Variants in ZYG11A observed in about 807,000 individuals in gnomAD.
ZYG11A encodes protein zyg-11 homolog A.
In ZYG11A, 62 loss-of-function variants were observed where a neutral mutation model predicts 77.2. The observed-to-expected ratio is 0.80, with a 90% CI of 0.65 to 0.99. The LOEUF (loss-of-function observed/expected upper bound fraction) is 0.99, where lower values mean the gene tolerates loss of function less well. Ranked by LOEUF, ZYG11A falls within the 50% of genes least tolerant of loss-of-function variation. The pLI, the probability that ZYG11A is intolerant of heterozygous loss-of-function variation, is 0.00. For synonymous variants in ZYG11A, 315 were observed against 324.6 expected (o/e 0.97, Z 0.32); for missense variants, 828 against 896.8 (o/e 0.92, Z 0.98).
chr1:52,870,937 C>G (rs778904961), intron 8 of ZYG11A, among the ~76,000 whole-genome samples: 1 of 151,976 alleles, frequency 6.6e-6, no homozygotes, highest in Non-Finnish European at 1.5e-5. Context: ...GGAAACAAGC[C>G]TTTGACTATG....
At chr1:52,843,409 C>G (rs1645491665) in intron 1 of ZYG11A, among the ~76,000 whole-genome samples, 1 of 147,908 alleles carries the variant, frequency 6.8e-6, no homozygotes, top group South Asian at 2.1e-4. Flanking sequence ...CGTTTCCCCA[C>G]CCGTGTTGTG....
intron 1 of ZYG11A, 133 bp downstream of exon 1, chr1:52,843,106 G>A: frequency 1.4e-6 from 1 of 690,716 alleles, no homozygotes; most frequent in South Asian, 3.8e-5. Flanking sequence ...CGGTCTAGAT[G>A]CCGAGCCCCT....
chr1:52,876,804 T>C (rs1373875712), intron 8 of ZYG11A, among the ~76,000 whole-genome samples: 2 of 152,224 alleles, frequency 1.3e-5, no homozygotes, highest in Non-Finnish European at 2.9e-5. Flanking sequence ...AAAATATACA[T>C]TCTGATTTGT....
chr1:52,854,971 T>C (rs1645782576), intron 2 of ZYG11A, among the ~76,000 whole-genome samples: 1 of 152,252 alleles, frequency 6.6e-6, no homozygotes, highest in South Asian at 2.1e-4. Context: ...TTTAAGCGAT[T>C]CTCCTGCCTC....
chr1:52,884,602 C>T (rs530580396), intron 11 of ZYG11A, among the ~76,000 whole-genome samples: 4 of 151,942 alleles, frequency 2.6e-5, no homozygotes, highest in Admixed American at 6.6e-5. Flanking sequence ...TACAGTGAGC[C>T]GAGATCGTGC....
At position 52,870,001 on chromosome 1, in the gene ZYG11A, G is replaced by C. The variant is rs569870898; in HGVS notation, c.1542+2224G>C. Among the ~76,000 whole-genome samples the C allele has an allele frequency of 1.1e-3, 115 of 104,032 alleles. 3 individuals are homozygous for C. The highest frequency in any genetic ancestry group is 0.01 in the Admixed American group (115 of 11,064). 68.2% of individuals were successfully genotyped at this position (104,032 alleles called of 152,430 possible). On this transcript the variant is annotated intron_variant, in intron 8 of 13. Coordinates refer to ENST00000371528, the MANE Select transcript of ZYG11A (RefSeq NM_001004339.3). ...CCCCCTCCCGGGCGGGGCGGCTGCCGGGTGGAGGGGCTCCTCACTTCTCAG... is the reference window on the plus strand; with the variant it reads ...CCCCCTCCCGGGCGGGGCGGCTGCCCGGTGGAGGGGCTCCTCACTTCTCAG...
intron 8 of ZYG11A, among the ~76,000 whole-genome samples, chr1:52,868,479 A>G (rs896258580): frequency 1.3e-5 from 2 of 152,268 alleles, no homozygotes; most frequent in Non-Finnish European, 2.9e-5. Flanking sequence ...AACATCGTTC[A>G]CTAAAAAATT....
At chr1:52,860,965 T>A (rs996308304) in intron 4 of ZYG11A, 94 bp downstream of exon 4, 37 of 1,245,020 alleles carry the variant, frequency 3.0e-5, no homozygotes, top group Non-Finnish European at 3.7e-5. Context: ...AATTATATGC[T>A]TTATTCTATA....
At chr1:52,860,964 C>G (rs1270560052) in intron 4 of ZYG11A, 93 bp downstream of exon 4, 2 of 1,261,454 alleles carry the variant, frequency 1.6e-6, no homozygotes, top group South Asian at 3.0e-5. Context: ...AAATTATATG[C>G]TTTATTCTAT....
chr1:52,867,112 A>G (rs1331109488), intron 6 of ZYG11A, among the ~76,000 whole-genome samples: 1 of 152,224 alleles, frequency 6.6e-6, no homozygotes, highest in Non-Finnish European at 1.5e-5. Flanking sequence ...ATGAGGCACA[A>G]GCTAACAAGA....
chr1:52,860,027 T>C (rs1053206533), intron 3 of ZYG11A, among the ~76,000 whole-genome samples: 1 of 152,216 alleles, frequency 6.6e-6, no homozygotes, highest in Admixed American at 6.5e-5. Flanking sequence ...AATTGGGTAA[T>C]GTGACTTCTT....
intron 11 of ZYG11A, 73 bp downstream of exon 11, chr1:52,881,738 A>G (rs1042315519): frequency 8.4e-7 from 1 of 1,193,390 alleles, no homozygotes; most frequent in Non-Finnish European, 1.2e-6. Flanking sequence ...TTCCTAAATC[A>G]TAATAATATG....
chr1:52,851,312 G>A (rs1645706189), intron 1 of ZYG11A, among the ~76,000 whole-genome samples: 1 of 151,992 alleles, frequency 6.6e-6, no homozygotes, highest in Non-Finnish European at 1.5e-5. Flanking sequence ...TTTGATGCTG[G>A]GATTACAGGT....
intron 3 of ZYG11A, among the ~76,000 whole-genome samples, chr1:52,858,716 G>A (rs149362667): frequency 0.018 from 2,664 of 151,780 alleles, 81 homozygotes; most frequent in African/African-American, 0.061. Flanking sequence ...GGGTTCAAGC[G>A]ATTCTCCTGC....
chr1:52,846,936 C>G lies in ZYG11A; in HGVS notation c.90+3963C>G, dbSNP rs561511433. Among the ~76,000 whole-genome samples the G allele has an allele frequency of 5.3e-5, 8 of 151,894 alleles. No homozygotes were observed. In the East Asian group the frequency reaches 1.4e-3, roughly 26 times the overall value. On this transcript the variant is annotated intron_variant, in intron 1 of 13. Coordinates refer to ENST00000371528, the MANE Select transcript of ZYG11A (RefSeq NM_001004339.3). Reference sequence around the variant, plus strand: ...AATGTCAGCTCACTGCAAGCTCCGCCTCCCGGGTTCACGCCATTCTCCTGC... The same window carrying G: ...AATGTCAGCTCACTGCAAGCTCCGCGTCCCGGGTTCACGCCATTCTCCTGC...
intron 1 of ZYG11A, among the ~76,000 whole-genome samples, chr1:52,849,402 C>T (rs963808154): frequency 5.9e-5 from 9 of 151,742 alleles, no homozygotes; most frequent in African/African-American, 1.7e-4. Flanking sequence ...CTTGCTCTGT[C>T]GCTCAGGCTG....
intron 10 of ZYG11A, among the ~76,000 whole-genome samples, chr1:52,880,572 T>TTA (rs889047652): frequency 6.6e-6 from 1 of 152,130 alleles, no homozygotes; most frequent in Non-Finnish European, 1.5e-5. Flanking sequence ...TACTATATAC[T>TTA]TATATATATG....
At chr1:52,869,979 C>T (rs1441481140) in intron 8 of ZYG11A, among the ~76,000 whole-genome samples, 1 of 151,366 alleles carries the variant, frequency 6.6e-6, no homozygotes, top group African/African-American at 2.4e-5. Flanking sequence ...CCCCCACCCC[C>T]CTCCCGGGCG....
chr1:52,850,777 C>T (rs887380977), intron 1 of ZYG11A, among the ~76,000 whole-genome samples: 2 of 152,018 alleles, frequency 1.3e-5, no homozygotes, highest in East Asian at 1.9e-4. Flanking sequence ...CAACTCTAGA[C>T]GTTTCCTTTT....
Sources: gnomAD v4.1 joint callset for allele counts (sites outside exome capture counted in the v4.1 genomes callset) on GRCh38, gnomAD v4.1.1 for gene constraint, MANE v1.5 for transcripts, NCBI Gene and HGNC (gene_info 2026-07-23, HGNC 2026-07-21) for gene names.